TBC1D32: variants seen among roughly 807,000 people sequenced by gnomAD.
TBC1D32 encodes the protein TBC1 domain family member 32.
TBC1D32 carries 151 observed loss-of-function variants against 170.3 expected under a neutral mutation model. The ratio of observed to expected loss-of-function variants is 0.89; its 90% CI spans 0.78 to 1.01. TBC1D32 has a LOEUF of 1.01. TBC1D32 is among the 50% of genes least tolerant of loss of function. The pLI, the probability that TBC1D32 is intolerant of heterozygous loss-of-function variation, is 0.00. For missense variants in TBC1D32, 1,464 were observed against 1,457.1 expected (o/e 1.00, Z -0.08); for synonymous variants, 498 against 488.0 (o/e 1.02, Z -0.27).
chr6:121,264,697 C>T (rs1455423111), intron 15 of TBC1D32, among the ~76,000 whole-genome samples: 3 of 152,154 alleles, frequency 2.0e-5, no homozygotes, highest in Non-Finnish European at 2.9e-5. Flanking sequence ...TCCAGCAGCA[C>T]ATCAAAAAGC....
chr6:121,099,648 CTTAG>C (rs1777792552), intron 30 of TBC1D32, among the ~76,000 whole-genome samples: 3 of 151,834 alleles, frequency 2.0e-5, no homozygotes, highest in African/African-American at 7.2e-5. Context: ...CATATACCCA[CTTAG>C]TTACTTAAAA....
chr6:121,302,788 G>C (rs1806689116), intron 9 of TBC1D32, among the ~76,000 whole-genome samples: 1 of 152,084 alleles, frequency 6.6e-6, no homozygotes, highest in African/African-American at 2.4e-5. Context: ...GAGTAAACAT[G>C]AATCACATAC....
chr6:121,248,061 C>T (rs900492639), intron 17 of TBC1D32, among the ~76,000 whole-genome samples: 2 of 151,808 alleles, frequency 1.3e-5, no homozygotes, highest in South Asian at 2.1e-4. Flanking sequence ...ATAGACCACA[C>T]GATAAGCCAC....
intron 30 of TBC1D32, among the ~76,000 whole-genome samples, chr6:121,098,758 G>A (rs1312606709): frequency 6.6e-6 from 1 of 151,924 alleles, no homozygotes; most frequent in Non-Finnish European, 1.5e-5. Context: ...ACAAAGCAGT[G>A]TACAAACACA....
intron 24 of TBC1D32, among the ~76,000 whole-genome samples, chr6:121,146,402 C>T (rs374887266): frequency 2.3e-4 from 35 of 152,244 alleles, no homozygotes; most frequent in Admixed American, 2.2e-3. Flanking sequence ...TAATAGAAAG[C>T]CTAAATTGGC....
intron 15 of TBC1D32, 108 bp downstream of exon 15, chr6:121,279,013 T>C (rs1802631196): frequency 4.0e-6 from 5 of 1,253,366 alleles, no homozygotes; most frequent in Non-Finnish European, 5.4e-6. Flanking sequence ...GCATAGTCCA[T>C]AATCCTGGTT....
intron 22 of TBC1D32, among the ~76,000 whole-genome samples, chr6:121,201,332 C>A (rs963514099): frequency 6.6e-6 from 1 of 151,468 alleles, no homozygotes; most frequent in African/African-American, 2.5e-5. Flanking sequence ...CTTAATCACA[C>A]TCCTGGAGAG....
Position 121,140,264 on chromosome 6 carries a change from T to C in TBC1D32, c.2774-8512A>G, listed in dbSNP as rs569244472. Among the ~76,000 whole-genome samples, 10 of 151,466 alleles carry C rather than the reference T, an allele frequency of 6.6e-5. No homozygotes were observed. In the East Asian group the frequency reaches 1.9e-3, roughly 29 times the overall value. On this transcript the variant is annotated intron_variant, in intron 24 of 31. Transcript: ENST00000398212. Reference sequence around the variant, plus strand: ...AACTAGAATTCGCTTCTGTTTTATATAATATATACCTCCCCCCACCCTGAT... The same window carrying C: ...AACTAGAATTCGCTTCTGTTTTATACAATATATACCTCCCCCCACCCTGAT...
intron 30 of TBC1D32, among the ~76,000 whole-genome samples, chr6:121,103,536 A>G (rs185548862): frequency 7.1e-6 from 1 of 140,078 alleles, no homozygotes; most frequent in Non-Finnish European, 1.5e-5. Flanking sequence ...TTGAACAACG[A>G]GAACACATAG....
At chr6:121,095,567 G>C (rs1007537345) in intron 30 of TBC1D32, among the ~76,000 whole-genome samples, 2 of 152,088 alleles carry the variant, frequency 1.3e-5, no homozygotes, top group African/African-American at 4.8e-5. Context: ...TTGGCTGTGA[G>C]TTTGTCATAA....
intron 22 of TBC1D32, among the ~76,000 whole-genome samples, chr6:121,197,456 T>C (rs11154003): frequency 0.68 from 103,599 of 152,132 alleles, 40,648 homozygotes; most frequent in Non-Finnish European, 0.87. Context: ...AGGACTGTAA[T>C]TGTCATGAGT....
At chr6:121,192,201 T>C (rs2128288441) in intron 22 of TBC1D32, among the ~76,000 whole-genome samples, 1 of 151,980 alleles carries the variant, frequency 6.6e-6, no homozygotes, top group Middle Eastern at 3.4e-3. Flanking sequence ...TTTCTGGAGT[T>C]GGCTGCTTAA....
intron 15 of TBC1D32, among the ~76,000 whole-genome samples, chr6:121,267,146 G>A (rs1312024911): frequency 6.6e-6 from 1 of 151,716 alleles, no homozygotes; most frequent in Non-Finnish European, 1.5e-5. Flanking sequence ...AAAAAGGTCG[G>A]GGGGAGGTTC....
chr6:121,106,184 A>G (rs1186556836), intron 29 of TBC1D32, 21 bp from the exon 30 acceptor site: 2 of 1,353,308 alleles, frequency 1.5e-6, no homozygotes, highest in Non-Finnish European at 1.9e-6. Flanking sequence ...GAGAAAAATT[A>G]AAAATTTTAT....
intron 15 of TBC1D32, among the ~76,000 whole-genome samples, chr6:121,263,958 A>G (rs1423519556): frequency 6.6e-6 from 1 of 152,208 alleles, no homozygotes; most frequent in East Asian, 1.9e-4. Flanking sequence ...GGAAATTGAT[A>G]GCACTAAATG....
rs751397508 is a variant in TBC1D32, at chr6:121,256,068, G to A, written c.1935+16C>T. 15 of 1,596,294 alleles carry A rather than the reference G, an allele frequency of 9.4e-6. No individual in the cohort carries two copies. The African/African-American group carries it at 1.6e-4, about 17-fold the overall frequency. On this transcript the variant is annotated intron_variant, in intron 16 of 31. Transcript: ENST00000398212. Reference sequence around the variant, plus strand: ...AAGATTTGCAGGGAGAAAAAACGAAGCTTGAAAATACTTACCTTTTTCCAT... The same window carrying A: ...AAGATTTGCAGGGAGAAAAAACGAAACTTGAAAATACTTACCTTTTTCCAT...
intron 21 of TBC1D32, among the ~76,000 whole-genome samples, chr6:121,209,137 T>C (rs1401202012): frequency 2.3e-5 from 1 of 43,972 alleles, no homozygotes; most frequent in Admixed American, 1.5e-4. Flanking sequence ...TTACAGCTCT[T>C]CTTAAAAAAA....
intron 24 of TBC1D32, among the ~76,000 whole-genome samples, chr6:121,144,944 G>A (rs1316589871): frequency 6.6e-6 from 1 of 152,166 alleles, no homozygotes; most frequent in Non-Finnish European, 1.5e-5. Flanking sequence ...TGAAGAAATT[G>A]TTTCAAAAAA....
chr6:121,214,642 AG>A, intron 21 of TBC1D32, among the ~76,000 whole-genome samples: 1 of 152,284 alleles, frequency 6.6e-6, no homozygotes, highest in East Asian at 1.9e-4. Context: ...AGCCCCAAAG[AG>A]GGTGTCACAG....
Sources: allele counts gnomAD v4.1 joint callset (sites outside exome capture counted in the v4.1 genomes callset), GRCh38; gene constraint gnomAD v4.1.1; transcripts MANE v1.5; gene names NCBI Gene and HGNC (gene_info 2026-07-23, HGNC 2026-07-21).